Variants in EBF1 observed in about 807,000 individuals in gnomAD.
The protein encoded by EBF1 is transcription factor COE1.
EBF1 carries 10 observed loss-of-function variants against 68.4 expected under a neutral mutation model. That is an observed-to-expected ratio of 0.15 (90% CI 0.09 to 0.25). The LOEUF (loss-of-function observed/expected upper bound fraction) is 0.25. EBF1 is among the 10% of genes least tolerant of loss of function. The pLI, the probability that EBF1 is intolerant of heterozygous loss-of-function variation, is 1.00. For missense variants in EBF1, 509 were observed against 794.4 expected (o/e 0.64, Z 4.32); for synonymous variants, 298 against 299.8 (o/e 0.99, Z 0.06).
chr5:158,775,774 ATG>A (rs35112078), intron 10 of EBF1, among the ~76,000 whole-genome samples: 2,329 of 102,218 alleles, frequency 0.023, 65 homozygotes, highest in African/African-American at 0.092. Context: ...ACACACACAC[ATG>A]CACACAGACA....
At chr5:158,813,171 T>A (rs1237339190) in intron 8 of EBF1, among the ~76,000 whole-genome samples, 5 of 152,202 alleles carry the variant, frequency 3.3e-5, no homozygotes, top group Non-Finnish European at 5.9e-5. Flanking sequence ...TTAGATCAAC[T>A]TTTTCTTTAA....
intron 6 of EBF1, among the ~76,000 whole-genome samples, chr5:159,067,877 C>G (rs994908506): frequency 9.9e-5 from 15 of 152,094 alleles, no homozygotes; most frequent in Non-Finnish European, 5.9e-5. Context: ...TCAAACCAAC[C>G]AAAAACACAA....
intron 6 of EBF1, among the ~76,000 whole-genome samples, chr5:159,035,332 A>C (rs1207896585): frequency 6.6e-6 from 1 of 152,190 alleles, no homozygotes; most frequent in Admixed American, 6.5e-5. Context: ...TAATAAATTA[A>C]AAAAACACCA....
chr5:158,868,979 G>C (rs1796403576), intron 6 of EBF1, among the ~76,000 whole-genome samples: 1 of 152,142 alleles, frequency 6.6e-6, no homozygotes, highest in Admixed American at 6.5e-5. Context: ...GACCAAGAAA[G>C]AAAAGAAAGA....
intron 6 of EBF1, among the ~76,000 whole-genome samples, chr5:159,050,602 G>T (rs1299394112): frequency 6.6e-6 from 1 of 152,174 alleles, no homozygotes; most frequent in Non-Finnish European, 1.5e-5. Context: ...GGTCAACTGT[G>T]CTAGGCCACC....
chr5:159,048,203 C>T (rs10515787), intron 6 of EBF1, among the ~76,000 whole-genome samples: 6,907 of 152,244 alleles, frequency 0.045, 630 homozygotes, highest in East Asian at 0.38. Context: ...AATGAAGAAT[C>T]ACCAGATGCC....
intron 6 of EBF1, among the ~76,000 whole-genome samples, chr5:158,882,285 A>G (rs1044262608): frequency 6.6e-6 from 1 of 152,220 alleles, no homozygotes; most frequent in Non-Finnish European, 1.5e-5. Context: ...AGAAATGTTC[A>G]TTTAGTAACG....
chr5:158,699,368 C>G (rs930044251), intron 15 of EBF1, among the ~76,000 whole-genome samples: 8 of 148,036 alleles, frequency 5.4e-5, no homozygotes, highest in Admixed American at 1.3e-4. Flanking sequence ...TTTAACAGAA[C>G]AAAATATCCT....
chr5:158,869,008 T>C (rs1473678940), intron 6 of EBF1, among the ~76,000 whole-genome samples: 2 of 152,182 alleles, frequency 1.3e-5, no homozygotes, highest in Non-Finnish European at 2.9e-5. Context: ...ACTTTTCCTT[T>C]GGAATCATGA....
intron 6 of EBF1, among the ~76,000 whole-genome samples, chr5:158,897,054 G>C (rs60867564): frequency 4.6e-5 from 7 of 152,148 alleles, no homozygotes; most frequent in Non-Finnish European, 1.0e-4. Flanking sequence ...TAGACCCTTA[G>C]TATTACTGCA....
At chr5:159,007,331 T>A (rs1763763606) in intron 6 of EBF1, among the ~76,000 whole-genome samples, 1 of 151,966 alleles carries the variant, frequency 6.6e-6, no homozygotes, top group Non-Finnish European at 1.5e-5. Context: ...CCAAAAAAAA[T>A]AAACATGCTT....
intron 10 of EBF1, among the ~76,000 whole-genome samples, chr5:158,738,647 G>A (rs1765691814): frequency 6.6e-6 from 1 of 152,168 alleles, no homozygotes; most frequent in Non-Finnish European, 1.5e-5. Flanking sequence ...TGACGTAAAT[G>A]TTAAAAATTA....
intron 5 of EBF1, among the ~76,000 whole-genome samples, chr5:159,074,746 T>A: frequency 6.6e-6 from 1 of 152,130 alleles, no homozygotes; most frequent in African/African-American, 2.4e-5. Flanking sequence ...CTTCGGAGAG[T>A]AAGAGTAAGA....
chr5:158,955,322 T>TA (rs1240103671), intron 6 of EBF1, among the ~76,000 whole-genome samples: 74 of 146,570 alleles, frequency 5.0e-4, no homozygotes, highest in Non-Finnish European at 9.2e-4. Context: ...AAACTCCATC[T>TA]AAAAAAAAAA....
chr5:158,959,925 G>A (rs1817838771), intron 6 of EBF1, among the ~76,000 whole-genome samples: 1 of 152,102 alleles, frequency 6.6e-6, no homozygotes. Context: ...CAATGGAACA[G>A]AACAGAAAGC....
intron 4 of EBF1, among the ~76,000 whole-genome samples, chr5:159,094,664 A>C (rs1782266327): frequency 6.6e-6 from 1 of 152,234 alleles, no homozygotes; most frequent in African/African-American, 2.4e-5. Context: ...ATCACAATCA[A>C]GTAAATAAAT....
chr5:159,081,210 T>G (rs949287272), intron 5 of EBF1, among the ~76,000 whole-genome samples: 1 of 152,170 alleles, frequency 6.6e-6, no homozygotes, highest in African/African-American at 2.4e-5. Context: ...CTTGAACTCC[T>G]GGGCTCAAAC....
intron 6 of EBF1, among the ~76,000 whole-genome samples, chr5:158,894,211 T>G (rs1383221657): frequency 6.6e-6 from 1 of 152,184 alleles, no homozygotes; most frequent in African/African-American, 2.4e-5. Context: ...CATGAAATAA[T>G]CATTAAATTT....
At chr5:158,857,171 A>T (rs1221630646) in intron 6 of EBF1, among the ~76,000 whole-genome samples, 3 of 150,786 alleles carry the variant, frequency 2.0e-5, no homozygotes, top group African/African-American at 7.3e-5. Flanking sequence ...TTCCCTCAGC[A>T]CCCCTTCTGC....
Sources: allele counts gnomAD v4.1 joint callset (sites outside exome capture counted in the v4.1 genomes callset), GRCh38; gene constraint gnomAD v4.1.1; transcripts MANE v1.5; gene names NCBI Gene and HGNC (gene_info 2026-07-23, HGNC 2026-07-21).